The following DNAH8 variants were observed in gnomAD, a reference collection of about 807,000 sequenced individuals.
DNAH8 encodes the protein axonemal beta dynein heavy chain 8.
Under a neutral mutation model 562.1 loss-of-function variants are expected in DNAH8, and 382 were observed. The ratio of observed to expected loss-of-function variants is 0.68; its 90% CI spans 0.63 to 0.74. The LOEUF is 0.74. Among genes scored for constraint, DNAH8 ranks in the 30% least tolerant of loss-of-function variants. The pLI is 0.00. For synonymous variants in DNAH8, 1,881 were observed against 1,919.4 expected, an observed-to-expected ratio of 0.98 and a Z score of 0.52; for missense variants, 5,203 against 5,620.4, an observed-to-expected ratio of 0.93 and a Z score of 2.37.
At position 38,832,318 on chromosome 6, in the gene DNAH8, G is replaced by C. The variant is rs751691769; in HGVS notation, c.4189-4G>C. 2 of 1,573,824 alleles carry C rather than the reference G, an allele frequency of 1.3e-6. No homozygotes were observed. The highest frequency in any genetic ancestry group is 1.7e-6 in the Non-Finnish European group (2 of 1,146,806). On this transcript the variant is annotated splice_region_variant and splice_polypyrimidine_tract_variant and intron_variant, in intron 30 of 92. Coordinates refer to ENST00000327475, the MANE Select transcript of DNAH8 (RefSeq NM_001206927.2). ...CTCAGGTTGAATATTCTTTTTTATT[G>C]TAGGTTTCAGTACAAGAGGACCTAG...
chr6:38,844,352 C>G (rs1775104230), intron 35 of DNAH8, among the ~76,000 whole-genome samples: 2 of 152,046 alleles, frequency 1.3e-5, no homozygotes, highest in Non-Finnish European at 1.5e-5. Context: ...ATTATTTTAT[C>G]CATTATTCTA....
chr6:38,949,566 A>G lies in DNAH8; in HGVS notation c.12244A>G (p.Ile4082Val), dbSNP rs760843520. Residue 4082 changes from isoleucine (I) to valine (V), a missense_variant, in exon 81 of 93, where the codon ATC becomes GTC. By Grantham distance (29) the Ile-to-Val change is conservative. This residue lies in a region of DNAH8 where 1,399 missense variants were observed against 1,518.4 expected (regional missense o/e 0.92). Transcript: ENST00000327475. ...AGATACCTGCCATAAACTTTTACTT[A>G]TCAGGTGAGAACAGGCATTATCAGA... ...SLDTCHKLLL[I>V]RSWCPDRTVF... 3.9e-6 allele frequency: 6 copies of G among 1,550,006 alleles called. No individual in the cohort carries two copies. Among genetic ancestry groups the G allele is most frequent in the Middle Eastern group, 1.7e-4 (1 of 5,976 alleles).
chr6:38,815,771 T>C, intron 26 of DNAH8, 114 bp downstream of exon 26: 1 of 1,056,918 alleles, frequency 9.5e-7, no homozygotes, highest in East Asian at 2.7e-5. Context: ...AAATAGTATG[T>C]TTCATCTTAA....
chr6:38,890,272 G>C (rs967050494), intron 57 of DNAH8, among the ~76,000 whole-genome samples: 1 of 152,132 alleles, frequency 6.6e-6, no homozygotes, highest in African/African-American at 2.4e-5. Context: ...ATATGCTTCA[G>C]GGTGAATGCT....
At chr6:38,780,984 G>A (rs6940955) in intron 15 of DNAH8, among the ~76,000 whole-genome samples, 5,189 of 152,064 alleles carry the variant, frequency 0.034, 253 homozygotes, top group African/African-American at 0.12. Context: ...TATGTGCTCC[G>A]TTTGAATACC....
intron 80 of DNAH8, among the ~76,000 whole-genome samples, chr6:38,946,825 A>G (rs890362380): frequency 3.3e-5 from 5 of 152,054 alleles, no homozygotes; most frequent in Non-Finnish European, 7.4e-5. Flanking sequence ...AAAAAAAAAG[A>G]AAAGAAAGTG....
At chr6:38,823,418 G>A (rs1043339875) in intron 27 of DNAH8, 144 bp from the exon 28 acceptor site, 22 of 627,912 alleles carry the variant, frequency 3.5e-5, no homozygotes, top group Non-Finnish European at 5.5e-5. Context: ...TCGCTTCCTG[G>A]TGGACACCCT....
At position 38,888,028 on chromosome 6, in the gene DNAH8, G is replaced by A. The variant is rs191225355; in HGVS notation, c.8473+1024G>A. 1.5e-3 allele frequency among the ~76,000 whole-genome samples: 228 copies of A among 151,772 alleles called. 1 individual carries two copies. Among genetic ancestry groups the A allele is most frequent in the Admixed American group, 0.011 (173 of 15,260 alleles). ...ATTTTTTTGTATTTTTAGTAGAGAC[G>A]GGGTTTCACCACATTGACAGGGTTG... On this transcript the variant is annotated intron_variant, in intron 57 of 92. Transcript: ENST00000327475.
intron 57 of DNAH8, among the ~76,000 whole-genome samples, chr6:38,889,723 A>G (rs1427802941): frequency 6.6e-6 from 1 of 152,194 alleles, no homozygotes; most frequent in Non-Finnish European, 1.5e-5. Flanking sequence ...AATCTAGAAT[A>G]TAGGATTTCA....
intron 85 of DNAH8, among the ~76,000 whole-genome samples, chr6:38,981,676 T>A (rs1467301457): frequency 6.6e-6 from 1 of 152,200 alleles, no homozygotes; most frequent in Non-Finnish European, 1.5e-5. Context: ...CATTTGACAT[T>A]TCAAACTTTC....
intron 75 of DNAH8, chr6:38,931,268 C>T (rs1378224469): frequency 3.3e-5 from 5 of 152,096 alleles, no homozygotes; most frequent in Non-Finnish European, 7.4e-5. Context: ...CAACATGCTG[C>T]AAATAGTAGT....
Position 38,938,894 on chromosome 6 carries a change from AAACCAC to A in DNAH8, c.11916_11921del (p.Asn3972_His3973del). 6.2e-7 allele frequency: 1 copy of A among 1,613,928 alleles called. No individual in the cohort carries two copies. The highest frequency in any genetic ancestry group is 1.1e-5 in the South Asian group (1 of 91,070). On this transcript the variant is annotated inframe_deletion, in exon 79 of 93. Coordinates refer to ENST00000327475, the MANE Select transcript of DNAH8 (RefSeq NM_001206927.2). ...CATACTCTGTCAGAGGCCTATACGA[AAACCAC>A]AAATTCCTGTTTGTACTCCTCATGA... is the stretch of plus-strand genomic sequence containing the variant.
chr6:38,724,408 C>T (rs1313837206), intron 3 of DNAH8, among the ~76,000 whole-genome samples: 1 of 152,044 alleles, frequency 6.6e-6, no homozygotes, highest in African/African-American at 2.4e-5. Flanking sequence ...TGAGTGGTGA[C>T]GGTAGGTAAT....
chr6:38,956,689 C>T (rs898526435), intron 82 of DNAH8, among the ~76,000 whole-genome samples: 7 of 152,066 alleles, frequency 4.6e-5, no homozygotes, highest in South Asian at 2.1e-4. Flanking sequence ...CAAAACAAAA[C>T]AAAACAACAA....
chr6:38,982,321 CT>C, intron 85 of DNAH8, 24 bp from the exon 86 acceptor site: 1 of 1,029,354 alleles, frequency 9.7e-7, no homozygotes, highest in Non-Finnish European at 1.5e-6. Context: ...ACATGCAATA[CT>C]TACTTTTCTT....
intron 11 of DNAH8, among the ~76,000 whole-genome samples, chr6:38,766,368 G>A (rs1276819850): frequency 6.6e-6 from 1 of 152,136 alleles, no homozygotes; most frequent in Non-Finnish European, 1.5e-5. Flanking sequence ...GTTACCAGGG[G>A]CTGGAGAGGG....
chr6:38,990,502 C>A (rs1478862647), intron 88 of DNAH8, among the ~76,000 whole-genome samples: 1 of 152,200 alleles, frequency 6.6e-6, no homozygotes, highest in East Asian at 1.9e-4. Context: ...AGCTCCTCAT[C>A]TCTTTCTTCA....
In DNAH8 at chr6:38,929,509, A is replaced by G. The variant is rs760631629; in HGVS notation, c.11119-2A>G. On this transcript the variant is annotated splice_acceptor_variant, in intron 74 of 92. Transcript: ENST00000327475. LOFTEE classifies it high-confidence loss of function. ...ATAGACCAATGAGTTCTTTCTGTTT[A>G]GGTGACATCTCTGAACCATAAATAT... 1.2e-6 allele frequency: 2 copies of G among 1,608,122 alleles called. No individual in the cohort carries two copies. The highest frequency in any genetic ancestry group is 1.7e-5 in the Admixed American group (1 of 59,174).
chr6:38,836,469 C>A, intron 32 of DNAH8, among the ~76,000 whole-genome samples: 1 of 135,032 alleles, frequency 7.4e-6, no homozygotes, highest in Non-Finnish European at 1.6e-5. Flanking sequence ...AAAACAACAA[C>A]AACAAAAAAA....
Sources: gnomAD v4.1 joint callset for allele counts (sites outside exome capture counted in the v4.1 genomes callset) on GRCh38, gnomAD v4.1.1 for gene constraint, gnomAD v4.1.1 regional missense constraint, MANE v1.5 for transcripts, NCBI Gene and HGNC (gene_info 2026-07-23, HGNC 2026-07-21) for gene names.